CHLSN: variants seen among roughly 807,000 people sequenced by gnomAD.
CHLSN encodes protein cholesin.
the CHLSN span, among the ~76,000 whole-genome samples, chr7:1,114,152 C>T: frequency 1.3e-5 from 2 of 152,214 alleles, no homozygotes; most frequent in Non-Finnish European, 2.9e-5. Flanking sequence ...AGAGTCCTGC[C>T]AACTTCCCAA....
chr7:978,037 G>A, the CHLSN span, among the ~76,000 whole-genome samples: 2 of 152,224 alleles, frequency 1.3e-5, no homozygotes, highest in Non-Finnish European at 2.9e-5. Context: ...GCTTAGCAGT[G>A]GAAGGACAGC....
chr7:998,859 T>G, the CHLSN span, among the ~76,000 whole-genome samples: 1 of 152,240 alleles, frequency 6.6e-6, no homozygotes, highest in Non-Finnish European at 1.5e-5. Flanking sequence ...AAATGGACTC[T>G]TAGGCTTTCA....
the CHLSN span, chr7:1,025,552 G>A: frequency 6.6e-6 from 1 of 152,170 alleles, no homozygotes; most frequent in Non-Finnish European, 1.5e-5. Flanking sequence ...CCCCAGTGTA[G>A]GCGAGGGGCT....
chr7:1,066,659 C>T, the CHLSN span, among the ~76,000 whole-genome samples: 198 of 152,340 alleles, frequency 1.3e-3, no homozygotes, highest in African/African-American at 4.5e-3. Context: ...GACCACCAGC[C>T]CCAGACCCTT....
the CHLSN span, among the ~76,000 whole-genome samples, chr7:1,135,792 T>C: frequency 4.5e-3 from 474 of 106,344 alleles, 5 homozygotes; most frequent in South Asian, 0.025. Flanking sequence ...TATATATATA[T>C]ACACAATTTA....
chr7:1,023,660 CACACACACACACACACA>C, the CHLSN span, among the ~76,000 whole-genome samples: 36 of 117,912 alleles, frequency 3.1e-4, no homozygotes, highest in Middle Eastern at 0.011. This position sits in a 1 kb window ranked among gnomAD's most constrained non-coding sequence, Gnocchi z 5.0. Context: ...CACACACACA[CACACACACACACACACA>C]CCAGCAACGC....
At chr7:1,123,932 G>T in the CHLSN span, among the ~76,000 whole-genome samples, 1 of 151,364 alleles carries the variant, frequency 6.6e-6, no homozygotes, top group Non-Finnish European at 1.5e-5. This position sits in a 1 kb window ranked among gnomAD's most constrained non-coding sequence, Gnocchi z 4.4. Flanking sequence ...CTCCTCCAAA[G>T]GCTAAGGAAC....
At chr7:1,022,408 T>C in the CHLSN span, among the ~76,000 whole-genome samples, 1 of 152,234 alleles carries the variant, frequency 6.6e-6, no homozygotes. Context: ...TTAATCAGAT[T>C]TGTCACCTCA....
At chr7:1,054,719 T>C in the CHLSN span, among the ~76,000 whole-genome samples, 1 of 152,208 alleles carries the variant, frequency 6.6e-6, no homozygotes, top group Non-Finnish European at 1.5e-5. Flanking sequence ...CGGTTCCACC[T>C]GCAGGAGAGC....
the CHLSN span, among the ~76,000 whole-genome samples, chr7:1,108,348 CTG>C: frequency 1.3e-5 from 1 of 79,688 alleles, no homozygotes; most frequent in Non-Finnish European, 2.6e-5. Flanking sequence ...CAGAGGGGGG[CTG>C]TGTCCCGCAC....
At chr7:988,984 A>T in the CHLSN span, 1 of 571,008 alleles carries the variant, frequency 1.8e-6, no homozygotes, top group Non-Finnish European at 3.1e-6. Context: ...TTCCGGTTAC[A>T]CCCAGGACTA....
the CHLSN span, among the ~76,000 whole-genome samples, chr7:1,060,031 TC>T: frequency 1.1e-3 from 61 of 53,744 alleles, 1 homozygote; most frequent in African/African-American, 1.9e-3. Flanking sequence ...GTGAAGCGGG[TC>T]CGTAGTGAGG....
chr7:1,030,778 T>A, the CHLSN span, among the ~76,000 whole-genome samples: 1 of 150,864 alleles, frequency 6.6e-6, no homozygotes, highest in Non-Finnish European at 1.5e-5. Context: ...TCTCTCTCTC[T>A]CCCCGGGCAG....
At chr7:1,028,077 C>T in the CHLSN span, among the ~76,000 whole-genome samples, 8 of 151,900 alleles carry the variant, frequency 5.3e-5, no homozygotes, top group African/African-American at 1.5e-4. Flanking sequence ...CGCAGCGGAG[C>T]CCCGAGAAGC....
the CHLSN span, among the ~76,000 whole-genome samples, chr7:1,033,831 C>T: frequency 6.6e-6 from 1 of 152,026 alleles, no homozygotes; most frequent in Admixed American, 6.6e-5. Flanking sequence ...AGGAGACACC[C>T]AGGAAATCAG....
the CHLSN span, among the ~76,000 whole-genome samples, chr7:1,016,181 A>ACACGCCAGCACACAGCAGCG: frequency 3.0e-3 from 159 of 52,372 alleles, 12 homozygotes; most frequent in Non-Finnish European, 4.1e-3. Context: ...ACACAGCAGC[A>ACACGCCAGCACACAGCAGCG]CACGCCAGCA....
At chr7:1,012,589 C>T in the CHLSN span, among the ~76,000 whole-genome samples, 2 of 152,358 alleles carry the variant, frequency 1.3e-5, no homozygotes, top group Non-Finnish European at 2.9e-5. Flanking sequence ...TTCCCGTGTC[C>T]CCGAGGGAGC....
chr7:1,061,573 C>G, the CHLSN span, among the ~76,000 whole-genome samples: 1 of 152,176 alleles, frequency 6.6e-6, no homozygotes, highest in African/African-American at 2.4e-5. Context: ...ACCTGCTCAT[C>G]TATATTCTAT....
chr7:1,008,730 C>T, the CHLSN span, among the ~76,000 whole-genome samples: 1 of 152,166 alleles, frequency 6.6e-6, no homozygotes, highest in Non-Finnish European at 1.5e-5. Flanking sequence ...GATGCACACA[C>T]AACACACATG....
Sources: allele counts gnomAD v4.1 joint callset (sites outside exome capture counted in the v4.1 genomes callset), GRCh38; gene constraint gnomAD v4.1.1; non-coding constraint Gnocchi (gnomAD v3.1); transcripts MANE v1.5; gene names NCBI Gene and HGNC (gene_info 2026-07-23, HGNC 2026-07-21).